Variants in NLRP9 observed in about 807,000 individuals in gnomAD.
The protein encoded by NLRP9 is NACHT, LRR and PYD domains-containing protein 9.
In NLRP9, 88 loss-of-function variants were observed where a neutral mutation model predicts 83.1. That is an observed-to-expected ratio of 1.06 (90% CI 0.89 to 1.26). The LOEUF is 1.26. Ranked by LOEUF, NLRP9 falls within the 50% of genes most tolerant of loss-of-function variation. The pLI, the probability that NLRP9 is intolerant of heterozygous loss-of-function variation, is 0.00. For missense variants in NLRP9, 1,308 were observed against 1,179.3 expected, an observed-to-expected ratio of 1.11 and a Z score of -1.60; for synonymous variants, 521 against 447.6, an observed-to-expected ratio of 1.16 and a Z score of -2.07.
At chr19:55,735,068 G>C (rs76606931) in intron 1 of NLRP9, among the ~76,000 whole-genome samples, 1 of 152,160 alleles carries the variant, frequency 6.6e-6, no homozygotes, top group East Asian at 1.9e-4. Context: ...GGGACTGGAC[G>C]GAAGGAGATT....
intron 4 of NLRP9, among the ~76,000 whole-genome samples, chr19:55,719,491 G>T (rs960982293): frequency 1.3e-5 from 2 of 152,162 alleles, no homozygotes; most frequent in Non-Finnish European, 2.9e-5. Flanking sequence ...TCTCCATCCC[G>T]CTCAAAGGGC....
rs200767296 is a variant in NLRP9, at chr19:55,732,126, A to G, written c.1705T>C (p.Phe569Leu). Reference protein sequence around the residue: ...TKVMNFFEEVFIYIGNIEHLV... With the variant: ...TKVMNFFEEVLIYIGNIEHLV... ...TGTTCTATGTTACCAATATAAATGA[A>G]AACTTCTTCAAAGAAATTCATCACT... Residue 569 changes from phenylalanine (F) to leucine (L), a missense_variant, in exon 2 of 9, where the codon TTC becomes CTC. Physicochemically the swap from Phe to Leu is conservative, Grantham distance 22. Transcript: ENST00000332836. 191 of 1,612,990 alleles carry G rather than the reference A, an allele frequency of 1.2e-4. No individual in the cohort carries two copies. The highest frequency in any genetic ancestry group is 1.6e-4 in the Non-Finnish European group (185 of 1,179,636).
chr19:55,719,404 C>T (rs917257604), intron 4 of NLRP9, among the ~76,000 whole-genome samples: 1 of 152,180 alleles, frequency 6.6e-6, no homozygotes, highest in Non-Finnish European at 1.5e-5. Context: ...CTGCCCGCCT[C>T]GGCCTCCCAG....
chr19:55,711,543 A>C, intron 8 of NLRP9: 2 of 1,173,634 alleles, frequency 1.7e-6, no homozygotes, highest in Non-Finnish European at 2.4e-6. Flanking sequence ...GACTTCTGAC[A>C]ATTTCTGGAG....
intron 2 of NLRP9, among the ~76,000 whole-genome samples, chr19:55,731,144 ACAG>A: frequency 6.6e-6 from 1 of 152,226 alleles, no homozygotes; most frequent in South Asian, 2.1e-4. Flanking sequence ...GTTATCATGA[ACAG>A]CAGCATGTAT....
intron 3 of NLRP9, among the ~76,000 whole-genome samples, chr19:55,728,159 A>G (rs746383284): frequency 3.9e-5 from 6 of 152,316 alleles, no homozygotes; most frequent in African/African-American, 7.2e-5. Context: ...GCATGAACCA[A>G]AATTCAAAAC....
intron 2 of NLRP9, 62 bp downstream of exon 2, chr19:55,731,937 C>G: frequency 9.3e-7 from 1 of 1,078,000 alleles, no homozygotes; most frequent in Non-Finnish European, 1.4e-6. Context: ...GAAATACCCA[C>G]AGGCCACTAG....
chr19:55,711,229 G>T, intron 8 of NLRP9: 1 of 286,150 alleles, frequency 3.5e-6, no homozygotes, highest in Non-Finnish European at 5.2e-6. Context: ...TTTATACCCC[G>T]CCCATTTGTT....
At position 55,729,699 on chromosome 19, in the gene NLRP9, T is replaced by C. The variant is rs1488764345; in HGVS notation, c.1994+132A>G. The C allele has an allele frequency of 1.0e-5, 7 of 688,946 alleles. No individual in the cohort carries two copies. The African/African-American group carries it at 1.1e-4, about 11-fold the overall frequency. 42.7% of individuals were successfully genotyped at this position (688,946 alleles called of 1,614,324 possible). On this transcript the variant is annotated intron_variant, in intron 3 of 8. Coordinates refer to ENST00000332836, the MANE Select transcript of NLRP9 (RefSeq NM_176820.4). ...TGAATAGTGCCGCAATAAACATACA[T>C]GTACATGTCACTACATTTAACACAC...
chr19:55,733,472 G>C lies in NLRP9; in HGVS notation c.359C>G (p.Pro120Arg). The change falls in exon 2 of 9, where the codon CCT becomes CGT. Residue 120 changes from proline to arginine, a missense_variant. Coordinates refer to ENST00000332836, the MANE Select transcript of NLRP9 (RefSeq NM_176820.4). ...CATGGTTTCTTTGTAGAAATGCTCA[G>C]GGACGTGAAGACAGGTTTCCTTCTC... is the stretch of plus-strand genomic sequence containing the variant. ...IWEKETCLHVPEHFYKETMKN... is the reference protein window; with the variant it reads ...IWEKETCLHVREHFYKETMKN... 6.2e-7 allele frequency: 1 copy of C among 1,613,620 alleles called. No individual in the cohort carries two copies. The highest frequency in any genetic ancestry group is 8.5e-7 in the Non-Finnish European group (1 of 1,179,770).
rs747354941 is a variant in NLRP9 at position 55,732,032 on chromosome 19, T to C, written c.1799A>G (p.Asn600Ser). The C allele has an allele frequency of 1.9e-6, 3 of 1,584,394 alleles. No homozygotes were observed. Among genetic ancestry groups the C allele is most frequent in the East Asian group, 2.2e-5 (1 of 44,778 alleles). Residue 600 changes from asparagine to serine, a missense_variant, in exon 2 of 9, where the codon AAT (asparagine) becomes AGT (serine). Asn to Ser is a conservative substitution (Grantham distance 46). Transcript: ENST00000332836. Reference protein sequence around the residue: ...HLTTLRMCVENIFPDDSGCIS... With the variant: ...HLTTLRMCVESIFPDDSGCIS... ...GCATCCTGAGTCATCTGGAAAGATA[T>C]TCTCCACACACATGCGAAGTGTCGT...
At chr19:55,718,948 G>A (rs762777737) in intron 4 of NLRP9, among the ~76,000 whole-genome samples, 5 of 152,164 alleles carry the variant, frequency 3.3e-5, no homozygotes, top group African/African-American at 1.2e-4. Flanking sequence ...GTATTTTTCA[G>A]ATCATTTATT....
intron 2 of NLRP9, among the ~76,000 whole-genome samples, 157 bp from the exon 3 acceptor site, chr19:55,730,149 A>G (rs1185142174): frequency 4.6e-5 from 7 of 152,234 alleles, no homozygotes; most frequent in Admixed American, 2.0e-4. Context: ...CCAACATGAC[A>G]TAATAGTTAG....
rs751831278 is a variant in NLRP9 at position 55,738,363 on chromosome 19, A to T, written c.12T>A (p.Ser4=). MAE[S]FFSDFGLLWY... ...ACAACAAGCCAAAATCCGAAAAAAA[A>T]GATTCTGCCATATCGCCCCAGGATT... The change falls in exon 1 of 9, where the codon TCT becomes TCA. Residue 4 remains serine, a synonymous_variant. Transcript: ENST00000332836. The T allele has an allele frequency of 4.3e-6, 7 of 1,613,086 alleles. No individual in the cohort carries two copies. In the East Asian group the frequency reaches 1.6e-4, roughly 36 times the overall value.
rs768060903 is a variant in NLRP9 at position 55,716,920 on chromosome 19, T to C, written c.2160-22A>G. 8 of 1,606,202 alleles carry C rather than the reference T, an allele frequency of 5.0e-6. No individual in the cohort carries two copies. In the East Asian group the frequency reaches 6.7e-5, roughly 13 times the overall value. Reference sequence around the variant, plus strand: ...CAGTCTACATGTGAAACACACACCATGAGACGGACCAAAGCTTTCAATCGC... The same window carrying C: ...CAGTCTACATGTGAAACACACACCACGAGACGGACCAAAGCTTTCAATCGC... On this transcript the variant is annotated intron_variant, in intron 4 of 8. Transcript: ENST00000332836.
chr19:55,711,911 G>A lies in NLRP9; in HGVS notation c.2732C>T (p.Ala911Val). ...GTTCAGGCTCCTCAGTGTTTTGCAG[G>A]CGATGAGTGCTGCGGCGATGTCGTC... ...CCDDIAAALIACKTLRSLNLD... is the reference protein window; with the variant it reads ...CCDDIAAALIVCKTLRSLNLD... The change falls in exon 8 of 9, where the codon GCC (alanine) becomes GTC (valine). Residue 911 changes from alanine to valine, a missense_variant. Ala to Val is a moderately conservative substitution (Grantham distance 64, BLOSUM62 0). Coordinates refer to ENST00000332836, the MANE Select transcript of NLRP9 (RefSeq NM_176820.4). 1 of 1,613,216 alleles carries A rather than the reference G, an allele frequency of 6.2e-7. No individual in the cohort carries two copies. The highest frequency in any genetic ancestry group is 8.5e-7 in the Non-Finnish European group (1 of 1,179,940).
intron 4 of NLRP9, among the ~76,000 whole-genome samples, chr19:55,717,243 G>C (rs1988058148): frequency 6.6e-6 from 1 of 152,086 alleles, no homozygotes; most frequent in African/African-American, 2.4e-5. Context: ...ATGTTGGCCA[G>C]GCTGGTCTCG....
At chr19:55,722,562 T>A (rs1988261690) in intron 4 of NLRP9, among the ~76,000 whole-genome samples, 1 of 152,204 alleles carries the variant, frequency 6.6e-6, no homozygotes, top group Non-Finnish European at 1.5e-5. Context: ...GACAGTGAAC[T>A]GGGAGAGAGA....
intron 3 of NLRP9, 78 bp downstream of exon 3, chr19:55,729,753 G>A (rs1988515467): frequency 2.6e-6 from 3 of 1,174,528 alleles, no homozygotes; most frequent in Admixed American, 2.2e-5. Flanking sequence ...TTATGCATGG[G>A]TCTTCTTCCA....
Sources: gnomAD v4.1 joint callset for allele counts (sites outside exome capture counted in the v4.1 genomes callset) on GRCh38, gnomAD v4.1.1 for gene constraint, MANE v1.5 for transcripts, NCBI Gene and HGNC (gene_info 2026-07-23, HGNC 2026-07-21) for gene names.